ZNF623: variants seen among roughly 807,000 people sequenced by gnomAD.
ZNF623 encodes zinc finger protein 623.
A neutral mutation model predicts 24.0 loss-of-function variants in ZNF623; 16 were observed. That is an observed-to-expected ratio of 0.67 (90% CI 0.45 to 1.01). The LOEUF is 1.01. Ranked by LOEUF, ZNF623 falls within the 50% of genes least tolerant of loss-of-function variation. The probability of loss-of-function intolerance (pLI) is 0.00; values close to 1 mark genes in which losing one functional copy is unlikely to be tolerated. For missense variants in ZNF623, 566 were observed against 606.5 expected, an observed-to-expected ratio of 0.93 and a Z score of 0.70; for synonymous variants, 224 against 219.8, an observed-to-expected ratio of 1.02 and a Z score of -0.17.
intron 1 of ZNF623, among the ~76,000 whole-genome samples, chr8:143,641,953 C>T (rs992495147): frequency 6.6e-6 from 1 of 152,188 alleles, no homozygotes; most frequent in Non-Finnish European, 1.5e-5. Flanking sequence ...TGGGAAATGA[C>T]CATTGGCTTC....
At position 143,651,421 on chromosome 8, in the gene ZNF623, A is replaced by T; in HGVS notation, c.1429A>T (p.Lys477Ter). The T allele has an allele frequency of 6.2e-7, 1 of 1,612,520 alleles. No individual in the cohort carries two copies. The highest frequency in any genetic ancestry group is 2.2e-5 in the East Asian group (1 of 44,884). Residue 477 changes from lysine to a stop codon, truncating the protein, a stop_gained, in exon 2 of 2, where the codon AAG becomes TAG. Transcript: ENST00000526926. LOFTEE classifies it high-confidence loss of function. ...RVHQEGLSLS[K>*]APIHLGERSV... ...TCACCAAGAGGGACTCTCCTTGAGTAAGGCCCCCATACATTTGGGTGAGAG... is the reference window on the plus strand; with the variant it reads ...TCACCAAGAGGGACTCTCCTTGAGTTAGGCCCCCATACATTTGGGTGAGAG...
At chr8:143,636,833 C>T (rs1436957198) in intron 1 of ZNF623, among the ~76,000 whole-genome samples, 2 of 152,214 alleles carry the variant, frequency 1.3e-5, no homozygotes, top group East Asian at 3.8e-4. Context: ...CAGTGGCGTT[C>T]TCTGTGCTTC....
intron 1 of ZNF623, among the ~76,000 whole-genome samples, chr8:143,646,648 T>C (rs2131450794): frequency 6.6e-6 from 1 of 152,150 alleles, no homozygotes. Flanking sequence ...TTGAGTTGCC[T>C]GTTAGAATTG....
At position 143,650,727 on chromosome 8, in the gene ZNF623, C is replaced by T; in HGVS notation, c.735C>T (p.His245=). The T allele has an allele frequency of 6.2e-7, 1 of 1,614,128 alleles. No homozygotes were observed. Among genetic ancestry groups the T allele is most frequent in the Non-Finnish European group, 8.5e-7 (1 of 1,180,026 alleles). Reference sequence around the variant, plus strand: ...GCCTCATTCGCCATTATCAGATCCACACAGAAGTGAAACAGTATGAATGCA... The same window carrying T: ...GCCTCATTCGCCATTATCAGATCCATACAGAAGTGAAACAGTATGAATGCA... ...SSSLIRHYQI[H]TEVKQYECKE... Residue 245 remains histidine (H), a synonymous_variant, in exon 2 of 2, where the codon CAC becomes CAT. Coordinates refer to ENST00000526926, the MANE Select transcript of ZNF623 (RefSeq NM_001261843.2). The surrounding 1 kb of genome is among the most constrained non-coding windows in gnomAD (Gnocchi z 5.2).
intron 1 of ZNF623, among the ~76,000 whole-genome samples, chr8:143,648,160 A>G (rs754327164): frequency 3.9e-5 from 6 of 152,114 alleles, no homozygotes; most frequent in Non-Finnish European, 7.4e-5. Flanking sequence ...GGTGTCTGAT[A>G]ATGAGTGCAC....
chr8:143,651,460 G>A lies in ZNF623; in HGVS notation c.1468G>A (p.Gly490Arg). The A allele has an allele frequency of 1.3e-6, 2 of 1,582,568 alleles. No individual in the cohort carries two copies. The highest frequency in any genetic ancestry group is 1.7e-6 in the Non-Finnish European group (2 of 1,167,984). The change falls in exon 2 of 2, where the codon GGG becomes AGG. Residue 490 changes from glycine (G) to arginine (R), a missense_variant. Physicochemically the swap from Gly to Arg is moderately radical, Grantham distance 125. Around this residue, in one of 3 missense-constraint regions of ZNF623, gnomAD observed 136 missense variants for 131.9 expected, o/e 1.03. Transcript: ENST00000526926. ...TTTGGGTGAGAGGTCTGTAGATAAG[G>A]GGGAACACACAGGTAACTTATAAAA... ...IHLGERSVDKGEHTGNL is the reference protein window; with the variant it reads ...IHLGERSVDKREHTGNL
chr8:143,640,643 T>C (rs1815027239), intron 1 of ZNF623, among the ~76,000 whole-genome samples: 1 of 152,064 alleles, frequency 6.6e-6, no homozygotes, highest in South Asian at 2.1e-4. Flanking sequence ...TCCTCATCTC[T>C]AAGAAGCAAC....
chr8:143,644,299 T>G (rs7013332), intron 1 of ZNF623, among the ~76,000 whole-genome samples: 1 of 152,112 alleles, frequency 6.6e-6, no homozygotes, highest in Non-Finnish European at 1.5e-5. Context: ...ATTACAGGCA[T>G]GAGCCGCTGT....
intron 1 of ZNF623, among the ~76,000 whole-genome samples, chr8:143,639,961 G>A (rs556981243): frequency 6.6e-6 from 1 of 152,228 alleles, no homozygotes; most frequent in Admixed American, 6.5e-5. Flanking sequence ...CATTTATGGG[G>A]CAGTCATTAG....
In ZNF623 at chr8:143,650,637, G is replaced by A. The variant is rs766784853; in HGVS notation, c.645G>A (p.Arg215=). 1.2e-6 allele frequency: 2 copies of A among 1,613,912 alleles called. No homozygotes were observed. The highest frequency in any genetic ancestry group is 1.7e-6 in the Non-Finnish European group (2 of 1,179,986). Residue 215 remains arginine (R), a synonymous_variant, in exon 2 of 2, where the codon AGG becomes AGA. Coordinates refer to ENST00000526926, the MANE Select transcript of ZNF623 (RefSeq NM_001261843.2). This position sits in a 1 kb window ranked among gnomAD's most constrained non-coding sequence, Gnocchi z 5.2. ...GCTCCTTACTTATTCGCCATCAGAG[G>A]ATTCACACGGGAGAAAGGCCCTATG... ...SQSSLLIRHQ[R]IHTGERPYEC...
At chr8:143,639,996 TAAAG>T (rs761368026) in intron 1 of ZNF623, among the ~76,000 whole-genome samples, 8 of 152,166 alleles carry the variant, frequency 5.3e-5, no homozygotes, top group Admixed American at 2.0e-4. Flanking sequence ...TTCTAACACT[TAAAG>T]GAAGAAGGAA....
rs1453719743 is a variant in ZNF623 at position 143,650,838 on chromosome 8, T to C, written c.846T>C (p.Asn282=). ...IHTGERPFEC[N]ECGKAFIRSS... Reference sequence around the variant, plus strand: ...CCGGAGAGAGACCCTTTGAATGCAATGAGTGTGGGAAAGCCTTTATTCGGA... The same window carrying C: ...CCGGAGAGAGACCCTTTGAATGCAACGAGTGTGGGAAAGCCTTTATTCGGA... Residue 282 remains asparagine, a synonymous_variant, in exon 2 of 2, where the codon AAT becomes AAC. Transcript: ENST00000526926. This position sits in a 1 kb window ranked among gnomAD's most constrained non-coding sequence, Gnocchi z 5.2. 1 of 1,613,930 alleles carries C rather than the reference T, an allele frequency of 6.2e-7. No homozygotes were observed. Among genetic ancestry groups the C allele is most frequent in the Non-Finnish European group, 8.5e-7 (1 of 1,179,978 alleles).
Position 143,652,795 on chromosome 8 carries a change from C to G in ZNF623, c.*1312C>G, listed in dbSNP as rs945070580. Reference sequence around the variant, plus strand: ...AGCAGTTCTGAGGTTGAACTGAGCTCTTGTCATTTTCCATGCTCTCTGGCT... The same window carrying G: ...AGCAGTTCTGAGGTTGAACTGAGCTGTTGTCATTTTCCATGCTCTCTGGCT... On this transcript the variant is annotated 3_prime_UTR_variant, in exon 2 of 2. Transcript: ENST00000526926. 1 of 167,102 alleles carries G rather than the reference C, an allele frequency of 6.0e-6. No homozygotes were observed. Among genetic ancestry groups the G allele is most frequent in the African/African-American group, 2.4e-5 (1 of 41,450 alleles). The allele number at this position is 167,102 out of a possible 1,614,324, so 10.4% of individuals were successfully genotyped here.
intron 1 of ZNF623, among the ~76,000 whole-genome samples, chr8:143,646,656 T>C (rs1815183060): frequency 6.6e-6 from 1 of 151,992 alleles, no homozygotes; most frequent in Admixed American, 6.6e-5. Context: ...CCTGTTAGAA[T>C]TGATGGAGTG....
chr8:143,644,532 C>A (rs1815127305), intron 1 of ZNF623, among the ~76,000 whole-genome samples: 1 of 152,242 alleles, frequency 6.6e-6, no homozygotes, highest in South Asian at 2.1e-4. Context: ...AGACAGTCAG[C>A]CTTCTCATCC....
At position 143,651,669 on chromosome 8, in the gene ZNF623, C is replaced by T. The variant is rs1276994711; in HGVS notation, c.*186C>T. 1 of 608,882 alleles carries T rather than the reference C, an allele frequency of 1.6e-6. No individual in the cohort carries two copies. Among genetic ancestry groups the T allele is most frequent in the Non-Finnish European group, 2.8e-6 (1 of 356,278 alleles). 37.7% of individuals were successfully genotyped at this position (608,882 alleles called of 1,614,324 possible). On this transcript the variant is annotated 3_prime_UTR_variant, in exon 2 of 2. Coordinates refer to ENST00000526926, the MANE Select transcript of ZNF623 (RefSeq NM_001261843.2). ...CCTTCTCCTCAGCTGTGAGCACTGT[C>T]CTCAGGAGAGTCACAGGGCTTGACA...
intron 1 of ZNF623, among the ~76,000 whole-genome samples, chr8:143,644,379 G>C (rs1587327736): frequency 6.6e-6 from 1 of 152,124 alleles, no homozygotes; most frequent in Non-Finnish European, 1.5e-5. Context: ...GGGCTGGGCT[G>C]ATCCCCCCTC....
At chr8:143,649,146 C>T (rs559588176) in intron 1 of ZNF623, among the ~76,000 whole-genome samples, 108 of 151,922 alleles carry the variant, frequency 7.1e-4, no homozygotes, top group African/African-American at 2.2e-3. Context: ...GGCGTGGTGG[C>T]GGGCGCCTGT....
At chr8:143,640,813 C>T (rs1039419301) in intron 1 of ZNF623, among the ~76,000 whole-genome samples, 5 of 151,884 alleles carry the variant, frequency 3.3e-5, no homozygotes, top group African/African-American at 9.7e-5. Context: ...TGGTGGCGCA[C>T]TCCTGTAATC....
Sources: allele counts gnomAD v4.1 joint callset (sites outside exome capture counted in the v4.1 genomes callset), GRCh38; gene constraint gnomAD v4.1.1; regional missense constraint gnomAD v4.1.1; non-coding constraint Gnocchi (gnomAD v3.1); transcripts MANE v1.5; gene names NCBI Gene and HGNC (gene_info 2026-07-23, HGNC 2026-07-21).